Variants in PCDH11X observed in about 807,000 individuals in gnomAD.
PCDH11X encodes protocadherin 11 X-linked, also known as protocadherin-11 X-linked.
Under a neutral mutation model 53.3 loss-of-function variants are expected in PCDH11X, and 18 were observed. The ratio of observed to expected loss-of-function variants is 0.34; its 90% confidence interval spans 0.23 to 0.50. The LOEUF (loss-of-function observed/expected upper bound fraction) is 0.50. PCDH11X is among the 20% of genes least tolerant of loss of function. PCDH11X has a pLI of 0.98. For synonymous variants in PCDH11X, 279 were observed against 393.3 expected (o/e 0.71, Z 3.44); for missense variants, 570 against 1,032.4 (o/e 0.55, Z 6.14).
chrX:92,342,648 C>T (rs906092465), intron 8 of PCDH11X, among the ~76,000 whole-genome samples: 1 of 110,909 alleles, frequency 9.0e-6, no homozygotes, highest in African/African-American at 3.3e-5. Context: ...GGGAGGTAAA[C>T]ATTGATGGAC....
At chrX:92,082,064 A>T (rs1385178051) in intron 6 of PCDH11X, among the ~76,000 whole-genome samples, 2 of 111,028 alleles carry the variant, frequency 1.8e-5, no homozygotes, top group Non-Finnish European at 1.9e-5. Context: ...GAATAGTTTA[A>T]CAATTTTTTC....
intron 6 of PCDH11X, among the ~76,000 whole-genome samples, chrX:91,972,370 T>G (rs1188636007): frequency 4.6e-5 from 4 of 86,082 alleles, no homozygotes; most frequent in Middle Eastern, 5.7e-3. Context: ...ATGAGTAGGT[T>G]GCGAAAATTT....
rs759822949 is a variant in PCDH11X at position 92,301,676 on chromosome X, G to GT, written c.3144+38537dup. Among the ~76,000 whole-genome samples the GT allele has an allele frequency of 1.2e-3, 134 of 109,845 alleles. 1 individual carries two copies. The highest frequency in any genetic ancestry group is 4.3e-3 in the African/African-American group (127 of 29,800). On this transcript the variant is annotated intron_variant, in intron 8 of 10. Transcript: ENST00000682573. The stretch of plus-strand genomic sequence containing the variant: ...GTTTTGTTTTGTTTTGTTTTGTTTT[G>GT]TTTTGTTTTGAGAATCTGTGTGTTT...
chrX:92,055,371 T>C (rs1253403494), intron 6 of PCDH11X, among the ~76,000 whole-genome samples: 1 of 69,661 alleles, frequency 1.4e-5, no homozygotes, highest in Non-Finnish European at 2.6e-5. Context: ...AAAGTCACTA[T>C]TGAAACAAAC....
At chrX:92,316,347 T>A (rs2069076187) in intron 8 of PCDH11X, among the ~76,000 whole-genome samples, 1 of 111,059 alleles carries the variant, frequency 9.0e-6, no homozygotes, top group South Asian at 3.8e-4. Context: ...TGTAGTGATC[T>A]CTCTAAACAG....
At chrX:92,481,612 G>T (rs1020049892) in intron 10 of PCDH11X, among the ~76,000 whole-genome samples, 1 of 110,953 alleles carries the variant, frequency 9.0e-6, no homozygotes, top group Admixed American at 9.5e-5. Flanking sequence ...GGGTGCGCAG[G>T]TTGGACCATC....
At chrX:91,891,363 G>A (rs966071116) in intron 6 of PCDH11X, among the ~76,000 whole-genome samples, 13 of 101,772 alleles carry the variant, frequency 1.3e-4, no homozygotes, top group African/African-American at 4.7e-4. Flanking sequence ...GTCAGCAGGG[G>A]CTACTAGTTT....
intron 6 of PCDH11X, among the ~76,000 whole-genome samples, chrX:92,127,518 C>CTTTT (rs35828888): frequency 1.4e-4 from 12 of 88,409 alleles, no homozygotes; most frequent in South Asian, 4.9e-4. Context: ...TTTCCCCCCA[C>CTTTT]TTTTTTTTTT....
intron 3 of PCDH11X, 150 bp from the exon 4 acceptor site, chrX:91,811,087 G>T (rs1936279258): frequency 1.0e-5 from 4 of 397,020 alleles, no homozygotes; most frequent in African/African-American, 2.7e-5. Context: ...CTGAGGTCCT[G>T]CCATGGAACC....
rs756258320 is a variant in PCDH11X at position 92,203,840 on chromosome X, C to G, written c.3114+2385C>G. Among the ~76,000 whole-genome samples the G allele has an allele frequency of 6.3e-5, 7 of 111,877 alleles. No homozygotes were observed. In the South Asian group the frequency reaches 2.6e-3, roughly 42 times the overall value. ...CACAAGATCAGATAAGCCAGTTTAC[C>G]AATCCGGGTGGTACCAGTTGATCCA... On this transcript the variant is annotated intron_variant, in intron 7 of 10. Coordinates refer to ENST00000682573, the MANE Select transcript of PCDH11X (RefSeq NM_032968.5).
chrX:91,818,479 C>A (rs1936523506), intron 4 of PCDH11X, among the ~76,000 whole-genome samples: 1 of 109,740 alleles, frequency 9.1e-6, no homozygotes, highest in Non-Finnish European at 1.9e-5. Flanking sequence ...GCCGGTGGAT[C>A]ATGAGGTCAG....
intron 7 of PCDH11X, among the ~76,000 whole-genome samples, chrX:92,241,228 C>T (rs186833569): frequency 7.2e-5 from 8 of 110,857 alleles, no homozygotes; most frequent in Admixed American, 4.8e-4. Context: ...AATAAAGACC[C>T]GCTGGCTTTG....
intron 8 of PCDH11X, among the ~76,000 whole-genome samples, chrX:92,379,204 T>C (rs1248769046): frequency 8.9e-6 from 1 of 112,934 alleles, no homozygotes; most frequent in Non-Finnish European, 1.9e-5. Context: ...TCCTGTGCTC[T>C]TGGGGACCCA....
chrX:92,283,988 C>G (rs1036165550), intron 8 of PCDH11X, among the ~76,000 whole-genome samples: 33 of 110,091 alleles, frequency 3.0e-4, no homozygotes, highest in Non-Finnish European at 6.3e-4. Context: ...ATCCAGGTTT[C>G]TTTTAGCATG....
rs1297291787 is a variant in PCDH11X, at chrX:91,895,493, A to G, written c.3033+16220A>G. Among the ~76,000 whole-genome samples the G allele has an allele frequency of 3.6e-5, 4 of 110,655 alleles. No homozygotes were observed. In the Admixed American group the frequency reaches 3.9e-4, roughly 11 times the overall value. ...CATTTCCTCAGTTTCATCAACCTAC[A>G]TATTTATTAGTTTGCCTCTCCCTGG... On this transcript the variant is annotated intron_variant, in intron 6 of 10. Transcript: ENST00000682573.
intron 6 of PCDH11X, among the ~76,000 whole-genome samples, chrX:92,077,743 A>G (rs2063798047): frequency 9.0e-6 from 1 of 111,115 alleles, no homozygotes. Context: ...TTCTAAAAGT[A>G]AGAAACATAT....
At position 92,339,046 on chromosome X, in the gene PCDH11X, G is replaced by T. The variant is rs1478175640; in HGVS notation, c.3145-48689G>T. ...CTACAAAGCTACAGTAATGAAAACAGCATGATACCCATGCAAAAATAGACA... is the reference window on the plus strand; with the variant it reads ...CTACAAAGCTACAGTAATGAAAACATCATGATACCCATGCAAAAATAGACA... On this transcript the variant is annotated intron_variant, in intron 8 of 10. Coordinates refer to ENST00000682573, the MANE Select transcript of PCDH11X (RefSeq NM_032968.5). 2.7e-5 allele frequency among the ~76,000 whole-genome samples: 3 copies of T among 111,504 alleles called. No homozygotes were observed. The East Asian group carries it at 8.5e-4, about 32-fold the overall frequency.
Position 92,200,315 on chromosome X carries a change from C to T in PCDH11X, c.3034-1060C>T, listed in dbSNP as rs762609092. Among the ~76,000 whole-genome samples the T allele has an allele frequency of 2.0e-4, 22 of 111,005 alleles. No individual in the cohort carries two copies. In the East Asian group the frequency reaches 4.8e-3, roughly 24 times the overall value. ...TGTGGAAAAAGGGGAATGCTAGCAC[C>T]TTGGTGATGGGAATGTAAATTAATA... On this transcript the variant is annotated intron_variant, in intron 6 of 10. Transcript: ENST00000682573.
intron 7 of PCDH11X, among the ~76,000 whole-genome samples, chrX:92,252,206 G>A (rs766548666): frequency 1.8e-5 from 2 of 111,100 alleles, no homozygotes; most frequent in Non-Finnish European, 3.8e-5. Context: ...GGTCGTGGTA[G>A]TTATATTTAT....
Sources: gnomAD v4.1 joint callset for allele counts (sites outside exome capture counted in the v4.1 genomes callset) on GRCh38, gnomAD v4.1.1 for gene constraint, MANE v1.5 for transcripts, NCBI Gene and HGNC (gene_info 2026-07-23, HGNC 2026-07-21) for gene names.